The following KATNAL2 variants were observed in gnomAD, a reference collection of about 807,000 sequenced individuals.
The protein encoded by KATNAL2 is katanin p60 ATPase-containing subunit A-like 2.
Under a neutral mutation model 76.3 loss-of-function variants are expected in KATNAL2, and 52 were observed. The ratio of observed to expected loss-of-function variants is 0.68; its 90% CI spans 0.55 to 0.86. The LOEUF is 0.86. KATNAL2 is among the 40% of genes least tolerant of loss of function. The pLI is 0.00. For synonymous variants in KATNAL2, 243 were observed against 244.2 expected (o/e 1.00, Z 0.05); for missense variants, 660 against 668.9 (o/e 0.99, Z 0.15).
At chr18:46,930,130 A>T (rs1306784708) in intron 1 of KATNAL2, among the ~76,000 whole-genome samples, 1 of 152,204 alleles carries the variant, frequency 6.6e-6, no homozygotes, top group Admixed American at 6.5e-5. Flanking sequence ...TCTCACCAGC[A>T]TTGTATGTGG....
intron 3 of KATNAL2, among the ~76,000 whole-genome samples, chr18:47,032,061 G>A (rs2060489833): frequency 6.6e-6 from 1 of 152,118 alleles, no homozygotes; most frequent in African/African-American, 2.4e-5. Context: ...AAATCTGATT[G>A]GCCTCTTTAG....
chr18:47,031,355 T>C (rs1192644221), intron 3 of KATNAL2, among the ~76,000 whole-genome samples: 1 of 152,158 alleles, frequency 6.6e-6, no homozygotes, highest in Non-Finnish European at 1.5e-5. Context: ...CTTTTGTTTC[T>C]GCTGTCGTTG....
intron 1 of KATNAL2, among the ~76,000 whole-genome samples, chr18:46,918,483 T>C (rs1018233030): frequency 4.6e-5 from 7 of 152,188 alleles, no homozygotes; most frequent in African/African-American, 1.7e-4. Flanking sequence ...AGACGGAGTT[T>C]TGCTCTTGTT....
chr18:47,066,526 T>A (rs759619740), intron 10 of KATNAL2, among the ~76,000 whole-genome samples: 22 of 152,126 alleles, frequency 1.4e-4, no homozygotes, highest in Non-Finnish European at 2.9e-4. Context: ...CAGAGGAGCA[T>A]TATCTCCTTT....
In KATNAL2 at chr18:47,062,971, G is replaced by A. The variant is rs1285567250; in HGVS notation, c.550-1G>A. The stretch of plus-strand genomic sequence containing the variant: ...CATAAATAACCATTCCTCCCTTTCA[G>A]GGCCAAATCATTGACTTCCAAGGGC... On this transcript the variant is annotated splice_acceptor_variant, in intron 8 of 17. Transcript: ENST00000683218. LOFTEE classifies it high-confidence loss of function. 1.9e-6 allele frequency: 3 copies of A among 1,613,114 alleles called. No homozygotes were observed. The African/African-American group carries it at 4.0e-5, about 22-fold the overall frequency.
At chr18:46,953,748 C>A (rs1221157177) in intron 3 of KATNAL2, among the ~76,000 whole-genome samples, 4 of 125,500 alleles carry the variant, frequency 3.2e-5, no homozygotes, top group Non-Finnish European at 3.5e-5. Context: ...CACATGGAGA[C>A]CCCGTCTCAA....
At chr18:46,920,143 T>A in intron 1 of KATNAL2, 5 of 1,221,068 alleles carry the variant, frequency 4.1e-6, no homozygotes, top group Non-Finnish European at 4.3e-6. Flanking sequence ...TTGGGTAGGT[T>A]TGACTGCAAA....
At chr18:46,941,052 A>T (rs1298764759) in intron 1 of KATNAL2, among the ~76,000 whole-genome samples, 1 of 152,128 alleles carries the variant, frequency 6.6e-6, no homozygotes, top group Admixed American at 6.6e-5. Context: ...AAAACTTATG[A>T]TTAAAAAACA....
At chr18:47,090,892 A>G (rs2062973704) in intron 15 of KATNAL2, among the ~76,000 whole-genome samples, 1 of 152,192 alleles carries the variant, frequency 6.6e-6, no homozygotes, top group Non-Finnish European at 1.5e-5. Flanking sequence ...ATGCTTAATC[A>G]TTGGCTCCCT....
intron 3 of KATNAL2, chr18:47,032,966 A>G (rs2060547461): frequency 1.2e-6 from 2 of 1,613,408 alleles, no homozygotes; most frequent in Non-Finnish European, 1.7e-6. Flanking sequence ...CAATGCAAAA[A>G]TCCCCCCAGA....
intron 1 of KATNAL2, among the ~76,000 whole-genome samples, chr18:46,924,305 T>C (rs1046132317): frequency 1.3e-5 from 2 of 152,230 alleles, no homozygotes; most frequent in African/African-American, 4.8e-5. Context: ...GCTAGCCAGT[T>C]TTCCCAGCAC....
intron 1 of KATNAL2, among the ~76,000 whole-genome samples, chr18:46,933,284 A>AT (rs1256200732): frequency 7.0e-4 from 106 of 152,314 alleles, no homozygotes; most frequent in Non-Finnish European, 1.0e-4. Flanking sequence ...TAAGCCAAGC[A>AT]TTTTTTCTGA....
intron 3 of KATNAL2, among the ~76,000 whole-genome samples, chr18:47,031,717 G>A (rs540877370): frequency 2.6e-5 from 4 of 152,112 alleles, no homozygotes; most frequent in African/African-American, 7.2e-5. Flanking sequence ...TACCTTATGT[G>A]ATCCACCCAC....
At chr18:47,073,504 T>C (rs2062078652) in intron 13 of KATNAL2, among the ~76,000 whole-genome samples, 1 of 152,252 alleles carries the variant, frequency 6.6e-6, no homozygotes. Flanking sequence ...TTGGTCATGC[T>C]GTCAGGCTCC....
intron 15 of KATNAL2, among the ~76,000 whole-genome samples, chr18:47,094,162 G>GT (rs1288136990): frequency 6.6e-6 from 1 of 152,170 alleles, no homozygotes; most frequent in Non-Finnish European, 1.5e-5. Context: ...ATCATGTGAA[G>GT]ACACATTGTT....
At position 46,955,859 on chromosome 18, in the gene KATNAL2, A is replaced by C. The variant is rs538967464; in HGVS notation, c.51+8936A>C. The stretch of plus-strand genomic sequence containing the variant: ...TGAGCCACCTTGCCTGGTTTGGGTC[A>C]TAGATTTTTTATTCCTTTATCATCA... On this transcript the variant is annotated intron_variant, in intron 3 of 17. Transcript: ENST00000683218. Among the ~76,000 whole-genome samples, 10 of 152,278 alleles carry C rather than the reference A, an allele frequency of 6.6e-5. No individual in the cohort carries two copies. The East Asian group carries it at 1.9e-3, about 29-fold the overall frequency.
At chr18:46,959,929 T>C (rs975732523) in intron 3 of KATNAL2, among the ~76,000 whole-genome samples, 17 of 152,166 alleles carry the variant, frequency 1.1e-4, no homozygotes, top group Non-Finnish European at 2.5e-4. Flanking sequence ...ATACATCCTA[T>C]AAACATTTTA....
chr18:47,078,464 AG>A (rs1346591611), intron 15 of KATNAL2, among the ~76,000 whole-genome samples: 1 of 152,216 alleles, frequency 6.6e-6, no homozygotes, highest in African/African-American at 2.4e-5. Flanking sequence ...TACAATTTGA[AG>A]ATATAGGATC....
At chr18:46,929,994 C>T (rs531277985) in intron 1 of KATNAL2, among the ~76,000 whole-genome samples, 4 of 152,080 alleles carry the variant, frequency 2.6e-5, no homozygotes, top group South Asian at 4.2e-4. Context: ...AGGCTGGTCT[C>T]GAACACTTGA....
Sources: gnomAD v4.1 joint callset for allele counts (sites outside exome capture counted in the v4.1 genomes callset) on GRCh38, gnomAD v4.1.1 for gene constraint, MANE v1.5 for transcripts, NCBI Gene and HGNC (gene_info 2026-07-23, HGNC 2026-07-21) for gene names.